GPC5: variants seen among roughly 807,000 people sequenced by gnomAD.
The protein encoded by GPC5 is glypican 5, also known as glypican-5.
In GPC5, 47 loss-of-function variants were observed where a neutral mutation model predicts 53.9. That is an observed-to-expected ratio of 0.87 (90% confidence interval 0.69 to 1.11). The LOEUF (loss-of-function observed/expected upper bound fraction) is 1.11. Among genes scored for constraint, GPC5 ranks in the 50% most tolerant of loss-of-function variants. The pLI, the probability that GPC5 is intolerant of heterozygous loss-of-function variation, is 0.00. For synonymous variants in GPC5, 286 were observed against 263.3 expected (o/e 1.09, Z -0.84); for missense variants, 748 against 713.1 (o/e 1.05, Z -0.56).
At chr13:91,420,277 G>T (rs887215182) in intron 1 of GPC5, among the ~76,000 whole-genome samples, 1 of 151,918 alleles carries the variant, frequency 6.6e-6, no homozygotes, top group African/African-American at 2.4e-5. Context: ...TTTTATTTTT[G>T]CCATGTAAAT....
intron 2 of GPC5, among the ~76,000 whole-genome samples, chr13:91,518,046 T>C (rs1885597783): frequency 6.6e-6 from 1 of 152,182 alleles, no homozygotes; most frequent in Non-Finnish European, 1.5e-5. Context: ...AGCAAAATGA[T>C]ATAGTGGTGG....
chr13:91,687,930 G>T (rs571622097), intron 2 of GPC5, among the ~76,000 whole-genome samples: 2 of 152,172 alleles, frequency 1.3e-5, no homozygotes, highest in South Asian at 4.1e-4. Context: ...TAATTAAGTA[G>T]ATGTGATTAA....
chr13:92,310,298 G>A (rs1468051734), intron 7 of GPC5, among the ~76,000 whole-genome samples: 1 of 151,982 alleles, frequency 6.6e-6, no homozygotes, highest in African/African-American at 2.4e-5. Context: ...TCACACATAT[G>A]TTTGAGGCTA....
chr13:91,894,086 G>A (rs909983927), intron 5 of GPC5, among the ~76,000 whole-genome samples: 9 of 151,908 alleles, frequency 5.9e-5, no homozygotes, highest in African/African-American at 1.9e-4. Flanking sequence ...CACTTATTTA[G>A]ATATTTTTCT....
At chr13:92,064,762 A>AAAAAAAAAAAAAAAAAAAAAAC (rs2041154170) in intron 6 of GPC5, among the ~76,000 whole-genome samples, 1 of 139,172 alleles carries the variant, frequency 7.2e-6, no homozygotes, top group Admixed American at 7.5e-5. Context: ...GTCTCAAAAA[A>AAAAAAAAAAAAAAAAAAAAAAC]AAAAAACAAA....
At chr13:91,945,238 A>G (rs1040828996) in intron 6 of GPC5, among the ~76,000 whole-genome samples, 5 of 152,136 alleles carry the variant, frequency 3.3e-5, no homozygotes, top group African/African-American at 9.7e-5. Context: ...CAACCCTTAC[A>G]TTATTTGGGG....
rs150237421 is a variant in GPC5, at chr13:91,438,457, C to T, written c.164-10304C>T. 6.3e-3 allele frequency among the ~76,000 whole-genome samples: 960 copies of T among 152,278 alleles called. 19 individuals are homozygous for T. The highest frequency in any genetic ancestry group is 0.022 in the African/African-American group (905 of 41,546). ...ACCGTGTTTGCCTGGGTATCAGCAG[C>T]GGAGGCTGCAGAACAGCGGATATTG... On this transcript the variant is annotated intron_variant, in intron 1 of 7. Transcript: ENST00000377067.
chr13:92,693,031 T>C (rs1276733407), intron 7 of GPC5, among the ~76,000 whole-genome samples: 1 of 152,008 alleles, frequency 6.6e-6, no homozygotes, highest in Non-Finnish European at 1.5e-5. Flanking sequence ...GGTTAAAAAG[T>C]GTTTGGCAGT....
chr13:92,010,107 A>G (rs921961902), intron 6 of GPC5, among the ~76,000 whole-genome samples: 3 of 152,232 alleles, frequency 2.0e-5, no homozygotes, highest in Non-Finnish European at 4.4e-5. Flanking sequence ...TTTCTAAAAT[A>G]CTGCATTCTT....
intron 7 of GPC5, among the ~76,000 whole-genome samples, chr13:92,598,848 C>T (rs1414798495): frequency 6.6e-6 from 1 of 152,172 alleles, no homozygotes; most frequent in Admixed American, 6.5e-5. Flanking sequence ...GAAAACTCGT[C>T]TCTACTAAGA....
intron 7 of GPC5, among the ~76,000 whole-genome samples, chr13:92,844,588 A>G (rs1021904339): frequency 2.6e-5 from 4 of 152,102 alleles, no homozygotes; most frequent in African/African-American, 9.7e-5. Context: ...GTGTATTTAC[A>G]CAAATGCTTA....
At chr13:92,677,084 A>G (rs1886966737) in intron 7 of GPC5, among the ~76,000 whole-genome samples, 1 of 152,192 alleles carries the variant, frequency 6.6e-6, no homozygotes, top group African/African-American at 2.4e-5. Flanking sequence ...TTAAAGTAGA[A>G]CAAAAACTTA....
intron 7 of GPC5, among the ~76,000 whole-genome samples, chr13:92,385,750 C>CATAT: frequency 2.5e-5 from 3 of 119,736 alleles, no homozygotes; most frequent in African/African-American, 9.3e-5. Flanking sequence ...CGTATATATA[C>CATAT]ACGTGTATAT....
chr13:91,800,568 G>A (rs1418774662), intron 5 of GPC5, among the ~76,000 whole-genome samples: 7 of 151,996 alleles, frequency 4.6e-5, no homozygotes, highest in South Asian at 2.1e-4. Context: ...CACTGTTTAC[G>A]TTTTCAATCC....
At chr13:91,871,571 G>GGT (rs2039145002) in intron 5 of GPC5, among the ~76,000 whole-genome samples, 6 of 152,064 alleles carry the variant, frequency 3.9e-5, no homozygotes, top group Admixed American at 1.3e-4. Context: ...AAAAAATACA[G>GGT]TAAATATATA....
At chr13:92,608,517 T>A (rs185183780) in intron 7 of GPC5, among the ~76,000 whole-genome samples, 326 of 152,264 alleles carry the variant, frequency 2.1e-3, no homozygotes, top group African/African-American at 7.1e-3. Flanking sequence ...ATACAGAGGA[T>A]TTTTAAACTT....
intron 7 of GPC5, among the ~76,000 whole-genome samples, chr13:92,809,942 G>C (rs1877232670): frequency 6.6e-6 from 1 of 151,986 alleles, no homozygotes; most frequent in Admixed American, 6.6e-5. Context: ...AGCACTGATA[G>C]AATGAATTAA....
chr13:91,704,330 A>C (rs1415112406), intron 3 of GPC5, among the ~76,000 whole-genome samples: 1 of 152,108 alleles, frequency 6.6e-6, no homozygotes, highest in Non-Finnish European at 1.5e-5. Context: ...TTCCATTTGC[A>C]TGGAATGAAT....
At chr13:92,657,391 A>G (rs1242879725) in intron 7 of GPC5, among the ~76,000 whole-genome samples, 1 of 152,132 alleles carries the variant, frequency 6.6e-6, no homozygotes, top group East Asian at 1.9e-4. Flanking sequence ...AAGTCTTTTC[A>G]TGCTAAGTGT....
Sources: gnomAD v4.1 joint callset for allele counts (sites outside exome capture counted in the v4.1 genomes callset) on GRCh38, gnomAD v4.1.1 for gene constraint, MANE v1.5 for transcripts, NCBI Gene and HGNC (gene_info 2026-07-23, HGNC 2026-07-21) for gene names.